Variants in ROBO1 observed in about 807,000 individuals in gnomAD.
ROBO1 encodes roundabout guidance receptor 1, also known as roundabout homolog 1.
In ROBO1, 149 loss-of-function variants were observed where a neutral mutation model predicts 195.9. The observed-to-expected ratio is 0.76, with a 90% confidence interval of 0.67 to 0.87. The LOEUF is 0.87. ROBO1 is among the 40% of genes least tolerant of loss of function. The probability of loss-of-function intolerance (pLI) is 0.00; values close to 1 mark genes in which losing one functional copy is unlikely to be tolerated. For missense variants in ROBO1, 1,933 were observed against 2,068.3 expected, an observed-to-expected ratio of 0.93 and a Z score of 1.27; for synonymous variants, 816 against 733.2, an observed-to-expected ratio of 1.11 and a Z score of -1.82.
chr3:78,921,043 A>G (rs1204307212), intron 4 of ROBO1, among the ~76,000 whole-genome samples: 1 of 152,134 alleles, frequency 6.6e-6, no homozygotes, highest in Non-Finnish European at 1.5e-5. Flanking sequence ...GAATATTAGT[A>G]ATACCTACTT....
At chr3:79,442,802 GA>G (rs1214827648) in intron 2 of ROBO1, among the ~76,000 whole-genome samples, 1 of 152,124 alleles carries the variant, frequency 6.6e-6, no homozygotes, top group African/African-American at 2.4e-5. Context: ...CTCTTGCTTA[GA>G]ATTCTTTCCT....
At chr3:79,560,799 C>G (rs191864226) in intron 2 of ROBO1, among the ~76,000 whole-genome samples, 2 of 151,968 alleles carry the variant, frequency 1.3e-5, no homozygotes, top group Non-Finnish European at 2.9e-5. Context: ...GAAAGAAAAA[C>G]TAAGTGCTTC....
chr3:78,945,612 C>T (rs1271322803), intron 3 of ROBO1, among the ~76,000 whole-genome samples: 1 of 152,132 alleles, frequency 6.6e-6, no homozygotes, highest in African/African-American at 2.4e-5. Context: ...ATCAGAGCGC[C>T]TCTCCTCCTC....
At position 79,476,309 on chromosome 3, in the gene ROBO1, C is replaced by T. The variant is rs563163404; in HGVS notation, c.88+113515G>A. ...CTGGTGGGAATGAAAACTAGTACAA[C>T]CATTATGGAAAACAGCGTAGAGATT... On this transcript the variant is annotated intron_variant, in intron 2 of 30. Coordinates refer to ENST00000464233, the MANE Select transcript of ROBO1 (RefSeq NM_002941.4). Among the ~76,000 whole-genome samples the T allele has an allele frequency of 3.3e-5, 5 of 152,154 alleles. No individual in the cohort carries two copies. In the South Asian group the frequency reaches 1.0e-3, roughly 32 times the overall value.
intron 2 of ROBO1, among the ~76,000 whole-genome samples, chr3:79,428,064 AAT>A (rs2038522723): frequency 6.6e-6 from 1 of 152,158 alleles, no homozygotes; most frequent in African/African-American, 2.4e-5. Context: ...TAATAACCAG[AAT>A]ATATGAGGAA....
chr3:79,013,876 G>A (rs753837080), intron 3 of ROBO1, among the ~76,000 whole-genome samples: 1 of 152,176 alleles, frequency 6.6e-6, no homozygotes, highest in African/African-American at 2.4e-5. Flanking sequence ...TGCACCTAGA[G>A]TTGGAACTCC....
At chr3:78,884,592 A>T (rs1451322608) in intron 4 of ROBO1, among the ~76,000 whole-genome samples, 1 of 147,606 alleles carries the variant, frequency 6.8e-6, no homozygotes, top group Admixed American at 6.7e-5. Flanking sequence ...AAAGGGAGAA[A>T]GAAAGAAAGA....
intron 3 of ROBO1, among the ~76,000 whole-genome samples, chr3:79,084,015 T>C (rs1348285960): frequency 6.6e-6 from 1 of 152,226 alleles, no homozygotes; most frequent in Non-Finnish European, 1.5e-5. Flanking sequence ...CGATTAATTT[T>C]ATTGTACTGC....
At chr3:78,867,773 CA>C (rs1343858265) in intron 4 of ROBO1, among the ~76,000 whole-genome samples, 1 of 152,080 alleles carries the variant, frequency 6.6e-6, no homozygotes, top group Non-Finnish European at 1.5e-5. Context: ...AAAGCCAAAT[CA>C]GCTACAAATT....
intron 4 of ROBO1, among the ~76,000 whole-genome samples, chr3:78,856,606 G>A (rs1402206656): frequency 1.3e-5 from 2 of 151,120 alleles, no homozygotes; most frequent in African/African-American, 2.4e-5. Flanking sequence ...TATGTGCCCT[G>A]ACCTTTAGGT....
intron 29 of ROBO1, 48 bp from the exon 30 acceptor site, chr3:78,600,357 T>G: frequency 8.4e-7 from 1 of 1,183,784 alleles, no homozygotes; most frequent in African/African-American, 1.5e-5. Context: ...TCATACACTT[T>G]CACTGTATAT....
At chr3:79,555,927 G>A (rs1330138376) in intron 2 of ROBO1, among the ~76,000 whole-genome samples, 2 of 152,126 alleles carry the variant, frequency 1.3e-5, no homozygotes, top group East Asian at 3.8e-4. Flanking sequence ...ATCCAGTGGA[G>A]TGTGCCACGC....
intron 4 of ROBO1, among the ~76,000 whole-genome samples, chr3:78,821,161 A>ATTTTT (rs71631622): frequency 4.1e-5 from 5 of 122,198 alleles, no homozygotes; most frequent in Admixed American, 8.5e-5. Context: ...TATGATACTG[A>ATTTTT]TTTTTTTTTT....
intron 5 of ROBO1, among the ~76,000 whole-genome samples, chr3:78,723,156 C>T (rs931780502): frequency 2.0e-5 from 3 of 152,094 alleles, no homozygotes; most frequent in African/African-American, 7.2e-5. Context: ...AGTGATGTTG[C>T]GGCTGTTGTA....
At chr3:78,893,272 GA>G (rs2037016447) in intron 4 of ROBO1, among the ~76,000 whole-genome samples, 2 of 152,178 alleles carry the variant, frequency 1.3e-5, no homozygotes, top group African/African-American at 4.8e-5. Context: ...TCCTCTCTAT[GA>G]AAGAGTTAAG....
At position 79,401,651 on chromosome 3, in the gene ROBO1, C is replaced by T. The variant is rs551007696; in HGVS notation, c.88+188173G>A. ...GTATTCGTAAACACAAATTTGTAAACGCAATGCAGAACAATCATAAATCAG... is the reference window on the plus strand; with the variant it reads ...GTATTCGTAAACACAAATTTGTAAATGCAATGCAGAACAATCATAAATCAG... On this transcript the variant is annotated intron_variant, in intron 2 of 30. Coordinates refer to ENST00000464233, the MANE Select transcript of ROBO1 (RefSeq NM_002941.4). Among the ~76,000 whole-genome samples, 10 of 151,780 alleles carry T rather than the reference C, an allele frequency of 6.6e-5. No individual in the cohort carries two copies. In the South Asian group the frequency reaches 8.3e-4, roughly 13 times the overall value.
At chr3:79,671,754 A>T (rs1364487660) in intron 1 of ROBO1, among the ~76,000 whole-genome samples, 2 of 151,904 alleles carry the variant, frequency 1.3e-5, no homozygotes, top group African/African-American at 2.4e-5. Flanking sequence ...TCATCCGTGT[A>T]TTCTATATTT....
intron 2 of ROBO1, among the ~76,000 whole-genome samples, chr3:79,305,354 G>A (rs1013823673): frequency 2.6e-5 from 4 of 151,876 alleles, no homozygotes; most frequent in Admixed American, 6.6e-5. Flanking sequence ...GGGTGTGGTG[G>A]CACATGCCTG....
intron 4 of ROBO1, among the ~76,000 whole-genome samples, chr3:78,912,890 A>G (rs1378446009): frequency 6.6e-6 from 1 of 152,108 alleles, no homozygotes; most frequent in Non-Finnish European, 1.5e-5. Flanking sequence ...TGTATGAGTC[A>G]CAAGAAGTGT....
Sources: gnomAD v4.1 joint callset for allele counts (sites outside exome capture counted in the v4.1 genomes callset) on GRCh38, gnomAD v4.1.1 for gene constraint, MANE v1.5 for transcripts, NCBI Gene and HGNC (gene_info 2026-07-23, HGNC 2026-07-21) for gene names.